RYR2: variants seen among roughly 807,000 people sequenced by gnomAD.
RYR2 encodes ryanodine receptor 2, also known as cardiac muscle ryanodine receptor-calcium release channel.
Under a neutral mutation model 601.1 loss-of-function variants are expected in RYR2, and 227 were observed. That is an observed-to-expected ratio of 0.38 (90% confidence interval 0.34 to 0.42). The LOEUF (loss-of-function observed/expected upper bound fraction) is 0.42, where lower values mean the gene tolerates loss of function less well. Among genes scored for constraint, RYR2 ranks in the 10% least tolerant of loss-of-function variants. The probability of loss-of-function intolerance (pLI) is 1.00; values close to 1 mark genes in which losing one functional copy is unlikely to be tolerated. For missense variants in RYR2, 4,646 were observed against 6,156.5 expected (o/e 0.75, Z 8.21); for synonymous variants, 2,223 against 2,175.1 (o/e 1.02, Z -0.61).
At chr1:237,633,539 C>G (rs749367415) in intron 42 of RYR2, 39 bp from the exon 43 acceptor site, 3 of 1,612,120 alleles carry the variant, frequency 1.9e-6, no homozygotes, top group Admixed American at 1.7e-5. Context: ...TTATAAAGGT[C>G]GTTTGCTTTC....
At chr1:237,064,050 C>A (rs555103665) in intron 1 of RYR2, among the ~76,000 whole-genome samples, 1 of 152,164 alleles carries the variant, frequency 6.6e-6, no homozygotes. Flanking sequence ...TTGGAAAATT[C>A]TTGGCCAGTA....
At chr1:237,422,329 A>G (rs148164673) in intron 11 of RYR2, among the ~76,000 whole-genome samples, 1,643 of 152,278 alleles carry the variant, frequency 0.011, 35 homozygotes, top group African/African-American at 0.037. Context: ...ATCAATTAGC[A>G]TATCCATCAT....
chr1:237,160,164 G>T (rs1675845424), intron 1 of RYR2, among the ~76,000 whole-genome samples: 1 of 152,122 alleles, frequency 6.6e-6, no homozygotes, highest in African/African-American at 2.4e-5. Context: ...TTGAAGAAGG[G>T]TATCTTATAC....
At chr1:237,531,170 T>G (rs1668103729) in intron 25 of RYR2, among the ~76,000 whole-genome samples, 1 of 152,204 alleles carries the variant, frequency 6.6e-6, no homozygotes, top group African/African-American at 2.4e-5. Flanking sequence ...TATTTACTTT[T>G]ACAATAAAAA....
In RYR2 at chr1:237,610,686, C is replaced by G. The variant is rs973636113; in HGVS notation, c.4684-76C>G. 1.7e-6 allele frequency: 2 copies of G among 1,182,974 alleles called. No individual in the cohort carries two copies. The highest frequency in any genetic ancestry group is 2.6e-5 in the East Asian group (1 of 38,924). 73.3% of individuals were successfully genotyped at this position (1,182,974 alleles called of 1,614,324 possible). On this transcript the variant is annotated intron_variant, in intron 35 of 104. Coordinates refer to ENST00000366574, the MANE Select transcript of RYR2 (RefSeq NM_001035.3). This position sits in a 1 kb window ranked among gnomAD's most constrained non-coding sequence, Gnocchi z 4.9. ...TTACTTTCCCTGTCTCTGTCCTGTG[C>G]AGAATTCTAGTCATTACTTTGTGAA... is the stretch of plus-strand genomic sequence containing the variant.
intron 1 of RYR2, among the ~76,000 whole-genome samples, chr1:237,149,215 A>G (rs1463936743): frequency 6.6e-6 from 1 of 152,196 alleles, no homozygotes; most frequent in African/African-American, 2.4e-5. Flanking sequence ...ATGCCTATCT[A>G]TATCCTTGAA....
chr1:237,160,406 A>G (rs1452414211), intron 1 of RYR2, among the ~76,000 whole-genome samples: 1 of 152,188 alleles, frequency 6.6e-6, no homozygotes, highest in Non-Finnish European at 1.5e-5. Flanking sequence ...CCTACTGATC[A>G]ATAGTATCAA....
intron 88 of RYR2, among the ~76,000 whole-genome samples, chr1:237,780,324 T>G (rs192274235): frequency 2.0e-5 from 3 of 152,296 alleles, no homozygotes; most frequent in Admixed American, 2.0e-4. Context: ...GAAACCAACA[T>G]ATGAACCAAA....
intron 24 of RYR2, among the ~76,000 whole-genome samples, chr1:237,522,275 A>C (rs192683776): frequency 6.6e-6 from 1 of 152,206 alleles, no homozygotes; most frequent in Non-Finnish European, 1.5e-5. Context: ...ATACACTATA[A>C]TACTAACAAT....
intron 10 of RYR2, among the ~76,000 whole-genome samples, chr1:237,400,037 T>TAC (rs55730903): frequency 0.17 from 24,823 of 148,994 alleles, 2,105 homozygotes; most frequent in East Asian, 0.26. Flanking sequence ...GTTTAGAACT[T>TAC]ACACACACAC....
intron 12 of RYR2, among the ~76,000 whole-genome samples, chr1:237,425,101 A>C (rs1706011130): frequency 6.6e-6 from 1 of 152,222 alleles, no homozygotes; most frequent in South Asian, 2.1e-4. Context: ...ACTACTTAAA[A>C]GTTTTTTAGT....
At chr1:237,391,419 A>G (rs768812833) in intron 10 of RYR2, among the ~76,000 whole-genome samples, 3 of 152,158 alleles carry the variant, frequency 2.0e-5, no homozygotes, top group Non-Finnish European at 4.4e-5. Flanking sequence ...TCTTTCCTGT[A>G]ATTATGATCT....
chr1:237,772,640 A>G (rs1442052061), intron 86 of RYR2, among the ~76,000 whole-genome samples: 1 of 152,212 alleles, frequency 6.6e-6, no homozygotes, highest in Non-Finnish European at 1.5e-5. Context: ...TTAAATAATG[A>G]GAGCCCTGTA....
chr1:237,641,487 TTC>T lies in RYR2; in HGVS notation c.7221+487_7221+488del, dbSNP rs1491359663. On this transcript the variant is annotated intron_variant, in intron 47 of 104. Coordinates refer to ENST00000366574, the MANE Select transcript of RYR2 (RefSeq NM_001035.3). ...TGTCTGTCTGTCTTTCTTTCTTTCT[TTC>T]TTTCTTTCTTTCTTTCTTTCTTTCT... Among the ~76,000 whole-genome samples the T allele has an allele frequency of 1.3e-3, 88 of 68,312 alleles. 1 individual carries two copies. Among genetic ancestry groups the T allele is most frequent in the African/African-American group, 3.5e-3 (84 of 24,344 alleles). 44.8% of individuals were successfully genotyped at this position (68,312 alleles called of 152,430 possible). A position where few individuals can be genotyped will look rare whatever the true frequency, so the allele number is the denominator to read the frequency against.
intron 56 of RYR2, among the ~76,000 whole-genome samples, chr1:237,662,082 A>G (rs1217306710): frequency 6.6e-6 from 1 of 152,130 alleles, no homozygotes; most frequent in Non-Finnish European, 1.5e-5. Context: ...ATGAGGGTCT[A>G]ACAGCATGTG....
intron 35 of RYR2, among the ~76,000 whole-genome samples, chr1:237,605,236 G>A (rs928857152): frequency 6.6e-6 from 1 of 152,134 alleles, no homozygotes; most frequent in Non-Finnish European, 1.5e-5. Flanking sequence ...GATAAAGTGG[G>A]CTTCATCCCT....
chr1:237,709,694 C>A (rs1405952337), intron 70 of RYR2, 127 bp downstream of exon 70: 2 of 510,798 alleles, frequency 3.9e-6, no homozygotes, highest in Non-Finnish European at 7.0e-6. Flanking sequence ...GGAATATAAA[C>A]CTTCTTCTGA....
At chr1:237,122,425 T>A (rs1670893128) in intron 1 of RYR2, among the ~76,000 whole-genome samples, 1 of 152,222 alleles carries the variant, frequency 6.6e-6, no homozygotes, top group South Asian at 2.1e-4. Flanking sequence ...CTCATGCCTG[T>A]AATCCCAGCA....
In RYR2 at chr1:237,696,161, G is replaced by A. The variant is rs563718951; in HGVS notation, c.9068-2804G>A. Among the ~76,000 whole-genome samples, 15 of 152,292 alleles carry A rather than the reference G, an allele frequency of 9.8e-5. No individual in the cohort carries two copies. The East Asian group carries it at 2.9e-3, about 29-fold the overall frequency. On this transcript the variant is annotated intron_variant, in intron 63 of 104. Transcript: ENST00000366574. ...CCCTGGCCACCCCTCATGGAAAAGG[G>A]CACAGGAAAACTCAGTACCAAGTAC... is the stretch of plus-strand genomic sequence containing the variant.
Sources: gnomAD v4.1 joint callset for allele counts (sites outside exome capture counted in the v4.1 genomes callset) on GRCh38, gnomAD v4.1.1 for gene constraint, Gnocchi (gnomAD v3.1) non-coding constraint, MANE v1.5 for transcripts, NCBI Gene and HGNC (gene_info 2026-07-23, HGNC 2026-07-21) for gene names.